ADAM22: variants seen among roughly 807,000 people sequenced by gnomAD.
ADAM22 encodes disintegrin and metalloproteinase domain-containing protein 22.
In ADAM22, 65 loss-of-function variants were observed where a neutral mutation model predicts 144.6. The observed-to-expected ratio is 0.45, with a 90% CI of 0.37 to 0.55. The LOEUF is 0.55. ADAM22 is among the 20% of genes least tolerant of loss of function. ADAM22 has a pLI of 0.00. For missense variants in ADAM22, 974 were observed against 1,184.9 expected, an observed-to-expected ratio of 0.82 and a Z score of 2.61; for synonymous variants, 391 against 412.6, an observed-to-expected ratio of 0.95 and a Z score of 0.63.
chr7:87,941,098 A>G (rs572544494), intron 2 of ADAM22, among the ~76,000 whole-genome samples: 1 of 152,256 alleles, frequency 6.6e-6, no homozygotes, highest in Admixed American at 6.5e-5. Flanking sequence ...CAGTGATTAT[A>G]TATTTCTACA....
chr7:88,169,167 G>C (rs1012876960), intron 25 of ADAM22, among the ~76,000 whole-genome samples: 1 of 152,074 alleles, frequency 6.6e-6, no homozygotes, highest in African/African-American at 2.4e-5. Flanking sequence ...AACCATCAAA[G>C]AGTTTCTTTG....
intron 20 of ADAM22, among the ~76,000 whole-genome samples, 174 bp downstream of exon 20, chr7:88,151,494 G>A (rs1239241538): frequency 6.6e-6 from 1 of 152,214 alleles, no homozygotes; most frequent in Non-Finnish European, 1.5e-5. Context: ...ACCCCTTTGA[G>A]AAGCAGCCCC....
intron 2 of ADAM22, among the ~76,000 whole-genome samples, chr7:87,973,009 A>G (rs531632820): frequency 6.6e-6 from 1 of 152,306 alleles, no homozygotes; most frequent in East Asian, 1.9e-4. Context: ...AACCTAGGCA[A>G]TACCATTCAG....
intron 3 of ADAM22, among the ~76,000 whole-genome samples, chr7:88,024,929 A>G (rs931185752): frequency 1.1e-4 from 16 of 152,056 alleles, no homozygotes; most frequent in African/African-American, 7.2e-5. Flanking sequence ...TATGTGCCAT[A>G]TTTCCTTAAT....
At chr7:88,195,318 G>A (rs893820794) in intron 31 of ADAM22, among the ~76,000 whole-genome samples, 1 of 152,098 alleles carries the variant, frequency 6.6e-6, no homozygotes, top group African/African-American at 2.4e-5. Flanking sequence ...ATCTGATCAT[G>A]TCACACTTGT....
At chr7:87,935,220 G>T in intron 2 of ADAM22, 34 bp downstream of exon 2, 4 of 1,533,250 alleles carry the variant, frequency 2.6e-6, no homozygotes, top group East Asian at 4.7e-5. Context: ...GGTCCTCCGC[G>T]CCTCCCGGCC....
intron 2 of ADAM22, among the ~76,000 whole-genome samples, chr7:87,952,604 T>G (rs1234195795): frequency 6.6e-6 from 1 of 152,020 alleles, no homozygotes; most frequent in Admixed American, 6.6e-5. Flanking sequence ...TAAAATTCTC[T>G]TTTTTGGTTG....
At chr7:88,047,482 A>G (rs1804979951) in intron 3 of ADAM22, among the ~76,000 whole-genome samples, 1 of 152,042 alleles carries the variant, frequency 6.6e-6, no homozygotes, top group Non-Finnish European at 1.5e-5. Context: ...ATACATTGGG[A>G]TTTGATTTTT....
At chr7:88,019,046 A>C (rs548847291) in intron 3 of ADAM22, among the ~76,000 whole-genome samples, 33 of 152,140 alleles carry the variant, frequency 2.2e-4, no homozygotes, top group African/African-American at 8.0e-4. Flanking sequence ...TTTGCCATCT[A>C]TAAAAATGTG....
intron 9 of ADAM22, 136 bp from the exon 10 acceptor site, chr7:88,130,252 C>T: frequency 6.1e-6 from 4 of 650,754 alleles, no homozygotes; most frequent in Non-Finnish European, 1.0e-5. Flanking sequence ...GTTTTACAGA[C>T]AACACATTTT....
chr7:87,963,087 C>T (rs1157663566), intron 2 of ADAM22, among the ~76,000 whole-genome samples: 1 of 152,100 alleles, frequency 6.6e-6, no homozygotes, highest in African/African-American at 2.4e-5. Context: ...GTTGGTAGGG[C>T]CATATCTTCC....
At chr7:87,953,029 C>A (rs565466577) in intron 2 of ADAM22, among the ~76,000 whole-genome samples, 21 of 151,720 alleles carry the variant, frequency 1.4e-4, no homozygotes, top group African/African-American at 4.6e-4. Context: ...TGATTCATCT[C>A]TTTTTCTTTA....
chr7:88,163,158 G>A lies in ADAM22; in HGVS notation c.2054G>A (p.Gly685Asp), dbSNP rs934208652. The A allele has an allele frequency of 1.2e-6, 2 of 1,605,894 alleles. No homozygotes were observed. The highest frequency in any genetic ancestry group is 1.7e-6 in the Non-Finnish European group (2 of 1,177,064). ...AGTACTTGCTTGAGCAGTAAAGAAG[G>A]CACTATTTGCTCAGGAAATGGAGTA... Reference protein sequence around the residue: ...NFSTCLSSKEGTICSGNGVCS... With the variant: ...NFSTCLSSKEDTICSGNGVCS... The change falls in exon 23 of 32, where the codon GGC (glycine) becomes GAC (aspartate). Residue 685 changes from glycine (G) to aspartate (D), a missense_variant. This residue lies in a region of ADAM22 where 734 missense variants were observed against 950.6 expected (regional missense o/e 0.77). Coordinates refer to ENST00000413139, the MANE Select transcript of ADAM22 (RefSeq NM_001324418.2).
chr7:88,094,167 G>T (rs1430543850), intron 4 of ADAM22, among the ~76,000 whole-genome samples: 1 of 152,168 alleles, frequency 6.6e-6, no homozygotes, highest in East Asian at 1.9e-4. Context: ...CAGGCATGAT[G>T]CAGGCAACTA....
At chr7:88,087,824 A>C (rs1818816067) in intron 4 of ADAM22, among the ~76,000 whole-genome samples, 1 of 152,228 alleles carries the variant, frequency 6.6e-6, no homozygotes, top group South Asian at 2.1e-4. Flanking sequence ...CCTAATCCTT[A>C]ACGATGAGTT....
At chr7:88,132,983 G>T (rs774698289) in intron 12 of ADAM22, 32 bp downstream of exon 12, 23 of 1,584,506 alleles carry the variant, frequency 1.5e-5, no homozygotes, top group Non-Finnish European at 1.9e-5. Flanking sequence ...ATACAAAGTG[G>T]TATGATGGCT....
intron 22 of ADAM22, among the ~76,000 whole-genome samples, chr7:88,160,095 T>A (rs191283895): frequency 6.6e-6 from 1 of 152,172 alleles, no homozygotes; most frequent in Admixed American, 6.6e-5. Context: ...TCACTAGCAT[T>A]CTCATGCACC....
At chr7:88,136,095 G>A in intron 14 of ADAM22, 64 bp downstream of exon 14, 1 of 1,443,426 alleles carries the variant, frequency 6.9e-7, no homozygotes, top group South Asian at 1.3e-5. Flanking sequence ...TGTCTTCTTA[G>A]GAATATGACA....
At chr7:88,033,339 T>C (rs759338440) in intron 3 of ADAM22, among the ~76,000 whole-genome samples, 1 of 152,226 alleles carries the variant, frequency 6.6e-6, no homozygotes, top group South Asian at 2.1e-4. Context: ...TCCTGAAGAA[T>C]TCTGTTTATC....
Sources: gnomAD v4.1 joint callset for allele counts (sites outside exome capture counted in the v4.1 genomes callset) on GRCh38, gnomAD v4.1.1 for gene constraint, gnomAD v4.1.1 regional missense constraint, MANE v1.5 for transcripts, NCBI Gene and HGNC (gene_info 2026-07-23, HGNC 2026-07-21) for gene names.